VPS13B: variants seen among roughly 807,000 people sequenced by gnomAD.
VPS13B encodes vacuolar protein sorting 13 homolog B.
Under a neutral mutation model 426.4 loss-of-function variants are expected in VPS13B, and 285 were observed. The ratio of observed to expected loss-of-function variants is 0.67; its 90% CI spans 0.61 to 0.74. VPS13B has a LOEUF of 0.74. VPS13B is among the 30% of genes least tolerant of loss of function. The pLI, the probability that VPS13B is intolerant of heterozygous loss-of-function variation, is 0.00. For synonymous variants in VPS13B, 1,676 were observed against 1,676.4 expected, an observed-to-expected ratio of 1.00 and a Z score of 0.01; for missense variants, 4,537 against 4,782.6, an observed-to-expected ratio of 0.95 and a Z score of 1.51.
intron 14 of VPS13B, among the ~76,000 whole-genome samples, chr8:99,150,066 A>G (rs1236639314): frequency 6.6e-6 from 1 of 152,216 alleles, no homozygotes; most frequent in African/African-American, 2.4e-5. Flanking sequence ...TAAGGGAATT[A>G]ACTATATGCA....
chr8:99,784,816 A>G (rs1431117976), intron 43 of VPS13B, among the ~76,000 whole-genome samples: 1 of 152,116 alleles, frequency 6.6e-6, no homozygotes, highest in Non-Finnish European at 1.5e-5. Context: ...TAAAAGTAGT[A>G]CTTATTTCAT....
chr8:99,740,928 T>C (rs1271811020), intron 39 of VPS13B, among the ~76,000 whole-genome samples: 2 of 151,954 alleles, frequency 1.3e-5, no homozygotes, highest in African/African-American at 4.8e-5. Flanking sequence ...ACAAGCAAAA[T>C]AACCAGCTAA....
Position 99,745,462 on chromosome 8 carries a change from T to G in VPS13B, c.7051-21312T>G, listed in dbSNP as rs116923924. On this transcript the variant is annotated intron_variant, in intron 39 of 61. Transcript: ENST00000357162. ...GGTGAGTACAGTACAATAAGATATT[T>G]TGAGAGAGAGAGACCATATTAACAT... Among the ~76,000 whole-genome samples, 1,191 of 152,234 alleles carry G rather than the reference T, an allele frequency of 7.8e-3. 8 individuals are homozygous for G. The highest frequency in any genetic ancestry group is 0.027 in the Middle Eastern group (8 of 294).
intron 33 of VPS13B, among the ~76,000 whole-genome samples, chr8:99,602,180 G>T (rs1270491813): frequency 6.6e-6 from 1 of 152,138 alleles, no homozygotes; most frequent in African/African-American, 2.4e-5. Flanking sequence ...TTTGTATGAG[G>T]TGTAAGGAAG....
At position 99,577,570 on chromosome 8, in the gene VPS13B, A is replaced by C; in HGVS notation, c.5157A>C (p.Gln1719His). Residue 1719 changes from glutamine to histidine, a missense_variant, in exon 33 of 62, where the codon CAA (glutamine) becomes CAC (histidine). Gln to His is a conservative substitution (Grantham distance 24, BLOSUM62 0). Coordinates refer to ENST00000357162, the MANE Select transcript of VPS13B (RefSeq NM_152564.5). ...TCTTCCTAAGTGTGGCTCAAGTTCA[A>C]CTCTTACATCAGTTAATAGTAGCAA... The part of the protein sequence containing the change: ...LDFFLSVAQV[Q>H]LLHQLIVANM... 1 of 1,613,846 alleles carries C rather than the reference A, an allele frequency of 6.2e-7. No individual in the cohort carries two copies. The highest frequency in any genetic ancestry group is 2.2e-5 in the East Asian group (1 of 44,858).
chr8:99,144,232 C>T lies in VPS13B; in HGVS notation c.1843+1067C>T, dbSNP rs540877719. ...AAGGACTGAGCATGGTCACTCATAC[C>T]TGTAATCCCAGTAGTTAGGGAGGCC... On this transcript the variant is annotated intron_variant, in intron 13 of 61. Coordinates refer to ENST00000357162, the MANE Select transcript of VPS13B (RefSeq NM_152564.5). 5.0e-4 allele frequency among the ~76,000 whole-genome samples: 76 copies of T among 152,102 alleles called. 1 individual carries two copies. Among genetic ancestry groups the T allele is most frequent in the Middle Eastern group, 3.4e-3 (1 of 294 alleles).
At chr8:99,536,863 C>T (rs1157655097) in intron 30 of VPS13B, 1 of 482,200 alleles carries the variant, frequency 2.1e-6, no homozygotes. Context: ...TACCACTAAA[C>T]TTTAAGAATT....
At chr8:99,200,065 G>A (rs1181192565) in intron 17 of VPS13B, among the ~76,000 whole-genome samples, 3 of 152,038 alleles carry the variant, frequency 2.0e-5, no homozygotes. Flanking sequence ...CATTTTCCCA[G>A]CAATAGGCAA....
intron 19 of VPS13B, among the ~76,000 whole-genome samples, chr8:99,378,794 G>T (rs563422607): frequency 2.0e-5 from 3 of 152,196 alleles, no homozygotes; most frequent in Admixed American, 6.5e-5. Context: ...TTTATTTTCT[G>T]CACTTCTTGC....
intron 17 of VPS13B, among the ~76,000 whole-genome samples, chr8:99,254,643 T>A (rs1227352552): frequency 4.0e-5 from 6 of 151,330 alleles, no homozygotes; most frequent in East Asian, 3.8e-4. Flanking sequence ...TTATTATATT[T>A]TATTTATTTA....
At chr8:99,754,244 T>TGAG (rs1810533758) in intron 39 of VPS13B, among the ~76,000 whole-genome samples, 2 of 152,084 alleles carry the variant, frequency 1.3e-5, no homozygotes. Flanking sequence ...ATCTTTTATC[T>TGAG]CATTGGTAGA....
At chr8:99,476,889 T>G (rs184982480) in intron 24 of VPS13B, among the ~76,000 whole-genome samples, 6 of 152,322 alleles carry the variant, frequency 3.9e-5, no homozygotes, top group Admixed American at 3.9e-4. Flanking sequence ...TATTGGCCAT[T>G]GAGTTTGCTC....
At chr8:99,577,068 T>C (rs1345651983) in intron 32 of VPS13B, among the ~76,000 whole-genome samples, 8 of 152,144 alleles carry the variant, frequency 5.3e-5, no homozygotes, top group Admixed American at 2.6e-4. Context: ...TTATTCTTTG[T>C]GATATTCATA....
intron 16 of VPS13B, among the ~76,000 whole-genome samples, chr8:99,180,915 A>G (rs1365323763): frequency 6.6e-6 from 1 of 152,186 alleles, no homozygotes; most frequent in Non-Finnish European, 1.5e-5. Flanking sequence ...TGTTAAATGA[A>G]TATAATATTC....
intron 15 of VPS13B, among the ~76,000 whole-genome samples, chr8:99,164,396 A>G (rs778659290): frequency 5.9e-5 from 9 of 152,098 alleles, no homozygotes; most frequent in Non-Finnish European, 1.3e-4. Flanking sequence ...ATCTCGTACT[A>G]TCCCTGACTG....
At chr8:99,390,345 C>T (rs935424476) in intron 20 of VPS13B, among the ~76,000 whole-genome samples, 1 of 152,068 alleles carries the variant, frequency 6.6e-6, no homozygotes, top group Non-Finnish European at 1.5e-5. Context: ...CCTTGTGATC[C>T]GTCCGCCTCA....
At chr8:99,771,862 T>A (rs1051432160) in intron 40 of VPS13B, among the ~76,000 whole-genome samples, 3 of 152,252 alleles carry the variant, frequency 2.0e-5, no homozygotes, top group Non-Finnish European at 4.4e-5. Flanking sequence ...CCTGTGTTTC[T>A]AGTTACACAC....
At chr8:99,283,574 A>G (rs1048718663) in intron 19 of VPS13B, among the ~76,000 whole-genome samples, 2 of 152,214 alleles carry the variant, frequency 1.3e-5, no homozygotes, top group Non-Finnish European at 2.9e-5. Flanking sequence ...GAAGAGATGC[A>G]GGTGTTCTCC....
chr8:99,822,121 A>G (rs1431341550), intron 50 of VPS13B, among the ~76,000 whole-genome samples: 3 of 152,230 alleles, frequency 2.0e-5, no homozygotes, highest in African/African-American at 7.2e-5. Flanking sequence ...TGAAAGTACA[A>G]TATCATAGTG....
Sources: allele counts gnomAD v4.1 joint callset (sites outside exome capture counted in the v4.1 genomes callset), GRCh38; gene constraint gnomAD v4.1.1; transcripts MANE v1.5; gene names NCBI Gene and HGNC (gene_info 2026-07-23, HGNC 2026-07-21).